The following CRADD variants were observed in gnomAD, a reference collection of about 807,000 sequenced individuals.
CRADD encodes the protein CARD and death domain containing adaptor protein, also known as death domain-containing protein CRADD.
Under a neutral mutation model 15.5 loss-of-function variants are expected in CRADD, and 9 were observed. That is an observed-to-expected ratio of 0.58 (90% confidence interval 0.35 to 1.01). The LOEUF is 1.01. Ranked by LOEUF, CRADD falls within the 50% of genes least tolerant of loss-of-function variation. The probability of loss-of-function intolerance (pLI) is 0.02; values close to 1 mark genes in which losing one functional copy is unlikely to be tolerated. For missense variants in CRADD, 227 were observed against 250.3 expected, an observed-to-expected ratio of 0.91 and a Z score of 0.63; for synonymous variants, 118 against 107.6, an observed-to-expected ratio of 1.10 and a Z score of -0.60.
intron 2 of CRADD, among the ~76,000 whole-genome samples, chr12:93,860,429 A>G (rs1444733427): frequency 6.6e-6 from 1 of 152,210 alleles, no homozygotes; most frequent in Non-Finnish European, 1.5e-5. Flanking sequence ...TGTGCCAGGC[A>G]TGAATATAGG....
chr12:93,741,160 C>T (rs777231423), intron 2 of CRADD, among the ~76,000 whole-genome samples: 11 of 152,138 alleles, frequency 7.2e-5, no homozygotes, highest in Middle Eastern at 3.2e-3. Flanking sequence ...GCTGCTAACT[C>T]CCGGAGTTGT....
intron 2 of CRADD, among the ~76,000 whole-genome samples, chr12:93,818,935 A>G (rs1234175578): frequency 6.6e-6 from 1 of 152,266 alleles, no homozygotes; most frequent in Non-Finnish European, 1.5e-5. Context: ...TCCAGCTTCA[A>G]TGCTGTGATC....
intron 2 of CRADD, among the ~76,000 whole-genome samples, chr12:93,689,040 C>T (rs377425313): frequency 6.6e-6 from 1 of 152,056 alleles, no homozygotes; most frequent in East Asian, 1.9e-4. Context: ...GAAGACCATA[C>T]GGTGGGGAGG....
intron 2 of CRADD, among the ~76,000 whole-genome samples, chr12:93,770,289 G>A (rs1052516321): frequency 6.6e-6 from 1 of 151,860 alleles, no homozygotes; most frequent in African/African-American, 2.4e-5. Context: ...AGTAGAGACG[G>A]GGTTTCACCG....
At chr12:93,753,069 T>C (rs1956846678) in intron 2 of CRADD, among the ~76,000 whole-genome samples, 1 of 152,064 alleles carries the variant, frequency 6.6e-6, no homozygotes, top group Non-Finnish European at 1.5e-5. Context: ...CATGTGGGAA[T>C]TGTGGGAGTT....
At chr12:93,793,178 C>T (rs1957370647) in intron 2 of CRADD, among the ~76,000 whole-genome samples, 1 of 152,174 alleles carries the variant, frequency 6.6e-6, no homozygotes, top group Non-Finnish European at 1.5e-5. Flanking sequence ...CCCCAGTTTA[C>T]AGAAATTGCA....
At chr12:93,757,327 T>A (rs912202610) in intron 2 of CRADD, among the ~76,000 whole-genome samples, 4 of 152,236 alleles carry the variant, frequency 2.6e-5, no homozygotes, top group African/African-American at 9.6e-5. Flanking sequence ...GGTTATGTGT[T>A]CATTTTCTAG....
intron 2 of CRADD, among the ~76,000 whole-genome samples, chr12:93,685,650 A>G (rs1418790897): frequency 1.3e-5 from 2 of 152,226 alleles, no homozygotes; most frequent in African/African-American, 2.4e-5. Flanking sequence ...TATTTAGGAA[A>G]AAACCATTAC....
intron 2 of CRADD, among the ~76,000 whole-genome samples, chr12:93,762,469 A>G (rs968056815): frequency 6.6e-6 from 1 of 152,242 alleles, no homozygotes; most frequent in Non-Finnish European, 1.5e-5. Flanking sequence ...AGGAGAGGTC[A>G]GGCAGGAAAA....
chr12:93,691,274 A>G (rs1955563574), intron 2 of CRADD, among the ~76,000 whole-genome samples: 2 of 148,426 alleles, frequency 1.3e-5, no homozygotes, highest in African/African-American at 5.0e-5. Context: ...TTTTTTTGAG[A>G]CAGAGTTTTA....
intron 2 of CRADD, among the ~76,000 whole-genome samples, chr12:93,845,576 A>T (rs368320511): frequency 4.5e-5 from 3 of 66,532 alleles, no homozygotes; most frequent in African/African-American, 1.7e-4. Flanking sequence ...ATATATATAT[A>T]TATTTTTAAT....
chr12:93,816,907 G>A (rs1593014586), intron 2 of CRADD, among the ~76,000 whole-genome samples: 1 of 152,180 alleles, frequency 6.6e-6, no homozygotes, highest in African/African-American at 2.4e-5. Flanking sequence ...GTCATGCGAC[G>A]ACGTAGCAGG....
chr12:93,847,411 ATTAAG>A (rs2137047513), intron 2 of CRADD, among the ~76,000 whole-genome samples: 1 of 147,660 alleles, frequency 6.8e-6, no homozygotes, highest in Non-Finnish European at 1.5e-5. Flanking sequence ...TTCTCTAAAT[ATTAAG>A]TTATTATTCC....
intron 2 of CRADD, among the ~76,000 whole-genome samples, chr12:93,724,034 G>C (rs1328809985): frequency 6.6e-6 from 1 of 152,090 alleles, no homozygotes; most frequent in African/African-American, 2.4e-5. Context: ...ATTTCAAAAT[G>C]GTTCCTTTTC....
At chr12:93,752,648 A>T (rs1956840851) in intron 2 of CRADD, among the ~76,000 whole-genome samples, 2 of 152,234 alleles carry the variant, frequency 1.3e-5, no homozygotes. Context: ...GTCCATTTTC[A>T]TAGTGCTATG....
At chr12:93,778,121 G>A (rs956941823) in intron 2 of CRADD, among the ~76,000 whole-genome samples, 1 of 152,082 alleles carries the variant, frequency 6.6e-6, no homozygotes, top group Non-Finnish European at 1.5e-5. Context: ...CCTTTTCTTT[G>A]TCACTGTGTT....
At chr12:93,809,941 G>T (rs949730403) in intron 2 of CRADD, among the ~76,000 whole-genome samples, 8 of 152,074 alleles carry the variant, frequency 5.3e-5, no homozygotes, top group Admixed American at 4.6e-4. Flanking sequence ...GGCAGCTAAA[G>T]CATTAGTCTT....
At chr12:93,806,145 T>C (rs1292475333) in intron 2 of CRADD, among the ~76,000 whole-genome samples, 3 of 152,060 alleles carry the variant, frequency 2.0e-5, no homozygotes, top group Non-Finnish European at 2.9e-5. Context: ...CTGGTGTAGT[T>C]GGCCTTTTTG....
chr12:93,732,130 C>A (rs1956476632), intron 2 of CRADD, among the ~76,000 whole-genome samples: 1 of 148,800 alleles, frequency 6.7e-6, no homozygotes, highest in Non-Finnish European at 1.5e-5. Flanking sequence ...GAGTGAAATT[C>A]CGTCTCAAGA....
Sources: allele counts gnomAD v4.1 joint callset (sites outside exome capture counted in the v4.1 genomes callset), GRCh38; gene constraint gnomAD v4.1.1; transcripts MANE v1.5; gene names NCBI Gene and HGNC (gene_info 2026-07-23, HGNC 2026-07-21).